Variants in ZNF91 observed in about 807,000 individuals in gnomAD.
ZNF91 encodes zinc finger protein 91, also known as zinc finger protein 91 (HPF7, HTF10).
ZNF91 carries 7 observed loss-of-function variants against 12.6 expected under a neutral mutation model. That is an observed-to-expected ratio of 0.55 (90% CI 0.31 to 1.04). The LOEUF (loss-of-function observed/expected upper bound fraction) is 1.04, where lower values mean the gene tolerates loss of function less well. Ranked by LOEUF, ZNF91 falls within the 50% of genes least tolerant of loss-of-function variation. The pLI is 0.05. For synonymous variants in ZNF91, 453 were observed against 462.6 expected (o/e 0.98, Z 0.27); for missense variants, 1,217 against 1,385.4 (o/e 0.88, Z 1.93).
In ZNF91 at chr19:23,323,326, TCTC is replaced by T. The variant is rs1323515139; in HGVS notation, n.117-14232_117-14230del. ...TTCCTCATCTTCCTTTTCTCCATCT[TCTC>T]CTCGTCCTCCTCCTCCTCTCCCCCT... On this transcript the variant is annotated intron_variant and non_coding_transcript_variant, in intron 1 of 1. Transcript: ENST00000596528. Among the ~76,000 whole-genome samples the T allele has an allele frequency of 4.1e-5, 6 of 147,024 alleles. No homozygotes were observed. In the South Asian group the frequency reaches 1.2e-3, roughly 28 times the overall value.
chr19:23,381,217 G>A (rs919389802), intron 1 of ZNF91, among the ~76,000 whole-genome samples: 1 of 152,036 alleles, frequency 6.6e-6, no homozygotes, highest in African/African-American at 2.4e-5. Flanking sequence ...CTATAATTCA[G>A]TTGAAAAACT....
At chr19:23,368,562 CTA>C (rs71163494) in intron 3 of ZNF91, among the ~76,000 whole-genome samples, 40 of 118,622 alleles carry the variant, frequency 3.4e-4, no homozygotes, top group South Asian at 6.5e-4. Flanking sequence ...CTCTCTCTCT[CTA>C]TATATATATG....
intron 1 of ZNF91, among the ~76,000 whole-genome samples, chr19:23,331,930 T>A (rs1967934782): frequency 6.6e-6 from 1 of 152,232 alleles, no homozygotes; most frequent in Admixed American, 6.5e-5. Flanking sequence ...TAGCTAGGGC[T>A]GTCTCTGGTG....
At chr19:23,344,745 C>T (rs558766275) in intron 3 of ZNF91, among the ~76,000 whole-genome samples, 19 of 152,136 alleles carry the variant, frequency 1.2e-4, no homozygotes, top group African/African-American at 3.6e-4. Flanking sequence ...AAGATTCTCC[C>T]GAAAACTTAA....
Position 23,360,516 on chromosome 19 carries a change from A to C in ZNF91, c.2463T>G (p.Thr821=). 3.7e-6 allele frequency: 6 copies of C among 1,613,838 alleles called. No individual in the cohort carries two copies. The highest frequency in any genetic ancestry group is 1.3e-5 in the African/African-American group (1 of 74,992). The change falls in exon 4 of 4, where the codon ACT becomes ACG. Residue 821 remains threonine, a synonymous_variant. Coordinates refer to ENST00000300619, the MANE Select transcript of ZNF91 (RefSeq NM_003430.4). ...CTTTACATTTGTAGGGTTTCTCTCCAGTATGAATTGTCTTATGCTTAGTAA... is the reference window on the plus strand; with the variant it reads ...CTTTACATTTGTAGGGTTTCTCTCCCGTATGAATTGTCTTATGCTTAGTAA... The part of the protein sequence containing the change: ...STLTKHKTIH[T]GEKPYKCKEC...
intron 3 of ZNF91, among the ~76,000 whole-genome samples, chr19:23,363,410 A>T (rs1216140665): frequency 6.6e-6 from 1 of 152,236 alleles, no homozygotes; most frequent in Non-Finnish European, 1.5e-5. Flanking sequence ...AGTACCACAG[A>T]AAGGAAACAG....
In ZNF91 at chr19:23,393,748, C is replaced by T. The variant is rs1970143454; in HGVS notation, c.30+1577G>A. ...GATGCGGTGGCTCACGTCTGTAATC[C>T]CAGCTCTTTGGGAGGCCGAAGTGGG... is the stretch of plus-strand genomic sequence containing the variant. On this transcript the variant is annotated intron_variant, in intron 1 of 3. Coordinates refer to ENST00000300619, the MANE Select transcript of ZNF91 (RefSeq NM_003430.4). 1.3e-5 allele frequency among the ~76,000 whole-genome samples: 2 copies of T among 152,208 alleles called. 1 individual carries two copies. Among genetic ancestry groups the T allele is most frequent in the South Asian group, 4.1e-4 (2 of 4,822 alleles).
At chr19:23,378,292 G>A (rs928700197) in intron 1 of ZNF91, among the ~76,000 whole-genome samples, 10 of 152,172 alleles carry the variant, frequency 6.6e-5, no homozygotes, top group Admixed American at 3.9e-4. Context: ...CTACTAGTTA[G>A]TTCTGCGAGG....
chr19:23,333,615 G>C (rs295404), intron 1 of ZNF91, among the ~76,000 whole-genome samples: 44,388 of 151,976 alleles, frequency 0.29, 6,837 homozygotes, highest in East Asian at 0.39. Context: ...ATGAAATTGG[G>C]AAATCTTGCA....
intron 1 of ZNF91, among the ~76,000 whole-genome samples, chr19:23,391,726 C>T (rs1325924084): frequency 1.3e-5 from 2 of 152,138 alleles, no homozygotes; most frequent in Non-Finnish European, 2.9e-5. Context: ...CTTTCCAGGG[C>T]TCTGTAGATT....
chr19:23,342,605 T>G (rs150318078), intron 3 of ZNF91, among the ~76,000 whole-genome samples: 74 of 152,186 alleles, frequency 4.9e-4, no homozygotes, highest in African/African-American at 1.7e-3. Context: ...AGATAAAACA[T>G]CTTGAAGATT....
chr19:23,376,816 T>C (rs1456693581), intron 1 of ZNF91, among the ~76,000 whole-genome samples: 1 of 152,224 alleles, frequency 6.6e-6, no homozygotes, highest in Non-Finnish European at 1.5e-5. Flanking sequence ...CAGCTCTTGA[T>C]CTGAGACATG....
At chr19:23,375,159 C>CA (rs148214096) in intron 1 of ZNF91, among the ~76,000 whole-genome samples, 1,919 of 150,616 alleles carry the variant, frequency 0.013, 41 homozygotes, top group African/African-American at 0.043. Context: ...AGGTACCACT[C>CA]AAAATTTTTT....
chr19:23,341,871 T>C (rs1599702349), intron 3 of ZNF91, among the ~76,000 whole-genome samples: 1 of 152,264 alleles, frequency 6.6e-6, no homozygotes. Context: ...GAAATATTCT[T>C]ATACTCCCCC....
intron 3 of ZNF91, among the ~76,000 whole-genome samples, chr19:23,341,599 T>C (rs910090990): frequency 1.3e-5 from 2 of 151,978 alleles, no homozygotes; most frequent in Admixed American, 6.5e-5. Flanking sequence ...CCAACAAATA[T>C]ATACAAATGA....
downstream of ZNF91, among the ~76,000 whole-genome samples, chr19:23,355,059 C>G (rs1293514278): frequency 6.6e-6 from 1 of 152,082 alleles, no homozygotes; most frequent in Admixed American, 6.6e-5. Context: ...AAATTCAACA[C>G]AATCCCCATC....
Position 23,373,434 on chromosome 19 carries a change from T to C in ZNF91, c.253+308A>G, listed in dbSNP as rs560398199. 2.0e-5 allele frequency among the ~76,000 whole-genome samples: 3 copies of C among 148,476 alleles called. No individual in the cohort carries two copies. The South Asian group carries it at 6.4e-4, about 32-fold the overall frequency. Reference sequence around the variant, plus strand: ...GTTTAAACTAATGAATACACTCAGTTAATTAGCAAAATGTAAAATGCAAAA... The same window carrying C: ...GTTTAAACTAATGAATACACTCAGTCAATTAGCAAAATGTAAAATGCAAAA... On this transcript the variant is annotated intron_variant, in intron 3 of 3. Transcript: ENST00000300619.
intron 1 of ZNF91, chr19:23,384,708 AG>A (rs2058383952): frequency 1.7e-6 from 1 of 600,988 alleles, no homozygotes; most frequent in Middle Eastern, 2.8e-4. Context: ...CCTTTCTTCA[AG>A]GGAACAATGA....
At chr19:23,342,306 C>T in intron 3 of ZNF91, 1 of 408,086 alleles carries the variant, frequency 2.5e-6, no homozygotes, top group South Asian at 7.1e-5. Flanking sequence ...CTGGGATCCT[C>T]CAGTTACCAA....
Sources: allele counts gnomAD v4.1 joint callset (sites outside exome capture counted in the v4.1 genomes callset), GRCh38; gene constraint gnomAD v4.1.1; transcripts MANE v1.5; gene names NCBI Gene and HGNC (gene_info 2026-07-23, HGNC 2026-07-21).